Variants in RPAIN observed in about 807,000 individuals in gnomAD.
The protein encoded by RPAIN is RPA interacting protein, also known as RPA-interacting protein.
A neutral mutation model predicts 30.5 loss-of-function variants in RPAIN; 29 were observed. The ratio of observed to expected loss-of-function variants is 0.95; its 90% CI spans 0.71 to 1.30. The LOEUF (loss-of-function observed/expected upper bound fraction) is 1.30, where lower values mean the gene tolerates loss of function less well. Among genes scored for constraint, RPAIN ranks in the 50% most tolerant of loss-of-function variants. RPAIN has a pLI of 0.00. For synonymous variants in RPAIN, 101 were observed against 93.5 expected, an observed-to-expected ratio of 1.08 and a Z score of -0.46; for missense variants, 247 against 264.7, an observed-to-expected ratio of 0.93 and a Z score of 0.46.
chr17:5,423,622 A>G (rs945262963), intron 3 of RPAIN, among the ~76,000 whole-genome samples: 7 of 152,216 alleles, frequency 4.6e-5, no homozygotes, highest in African/African-American at 1.7e-4. Flanking sequence ...CACATTCTCT[A>G]TTAACTCCCC....
intron 2 of RPAIN, 131 bp from the exon 3 acceptor site, chr17:5,422,638 C>A: frequency 1.4e-6 from 1 of 712,634 alleles, no homozygotes; most frequent in Non-Finnish European, 2.5e-6. Flanking sequence ...TCAGCATATT[C>A]TGCAGGAGGA....
chr17:5,422,046 CTCTT>C (rs3066199), intron 2 of RPAIN: 45,124 of 151,996 alleles, frequency 0.3, 7,876 homozygotes, highest in East Asian at 0.81. Context: ...CGTCAGGAAT[CTCTT>C]TCTAAAAAGG....
intron 6 of RPAIN, chr17:5,432,280 A>T: frequency 2.4e-6 from 1 of 415,738 alleles, no homozygotes; most frequent in Non-Finnish European, 4.3e-6. Context: ...ATGTTTGATT[A>T]GTTCATCTAC....
chr17:5,426,018 A>G lies in RPAIN; in HGVS notation c.361A>G (p.Lys121Glu). 6.2e-7 allele frequency: 1 copy of G among 1,614,048 alleles called. No individual in the cohort carries two copies. Among genetic ancestry groups the G allele is most frequent in the Non-Finnish European group, 8.5e-7 (1 of 1,179,980 alleles). ...TGAGAAGAGCTTGCAGTTTGATGAA[A>G]AGTGTCTCAGCATCATGCTGGCTGA... Reference protein sequence around the residue: ...EYEKSLQFDEKCLSIMLAEWE... With the variant: ...EYEKSLQFDEECLSIMLAEWE... Residue 121 changes from lysine to glutamate, a missense_variant, in exon 4 of 7, where the codon AAG becomes GAG. Transcript: ENST00000381209.
chr17:5,430,989 T>A (rs1035855981), intron 6 of RPAIN: 1 of 172,608 alleles, frequency 5.8e-6, no homozygotes, highest in Non-Finnish European at 1.2e-5. Flanking sequence ...CAGCTCAGCA[T>A]ATAATTGTTA....
intron 1 of RPAIN, 90 bp downstream of exon 1, chr17:5,420,381 C>A: frequency 8.8e-7 from 1 of 1,133,240 alleles, no homozygotes; most frequent in South Asian, 1.4e-5. Context: ...CTCCGTGGAG[C>A]AGGTGCCGCA....
intron 6 of RPAIN, chr17:5,429,470 T>C (rs1462128602): frequency 2.0e-6 from 2 of 985,318 alleles, no homozygotes; most frequent in Non-Finnish European, 2.4e-6. Flanking sequence ...AGTGATGTAA[T>C]CTGGCCAAAA....
At chr17:5,430,571 G>A (rs941575643) in intron 6 of RPAIN, 1 of 152,258 alleles carries the variant, frequency 6.6e-6, no homozygotes, top group Non-Finnish European at 1.5e-5. Context: ...GCTGGCAGAG[G>A]GGAACTGGCC....
chr17:5,428,783 A>G (rs1271182220), intron 6 of RPAIN: 2 of 991,314 alleles, frequency 2.0e-6, no homozygotes, highest in African/African-American at 3.5e-5. Flanking sequence ...GTACATGTGT[A>G]TATATATCAC....
rs562681309 is a variant in RPAIN, at chr17:5,421,018, T to C, written c.82-278T>C. ...AAGAATTTGGAAGGAATATAAATGT[T>C]CTGTAATAGGACATTGGATGCTGAG... On this transcript the variant is annotated intron_variant, in intron 1 of 6. Coordinates refer to ENST00000381209, the MANE Select transcript of RPAIN (RefSeq NM_001033002.4). Among the ~76,000 whole-genome samples the C allele has an allele frequency of 7.7e-4, 118 of 152,306 alleles. 3 individuals are homozygous for C. The highest frequency in any genetic ancestry group is 2.7e-3 in the African/African-American group (112 of 41,584).
chr17:5,422,825 C>T lies in RPAIN; in HGVS notation c.309C>T (p.Asn103=), dbSNP rs12761. 2 of 1,606,408 alleles carry T rather than the reference C, an allele frequency of 1.2e-6. No homozygotes were observed. The highest frequency in any genetic ancestry group is 1.7e-6 in the Non-Finnish European group (2 of 1,173,738). The change falls in exon 3 of 7, where the codon AAC becomes AAT. Residue 103 remains asparagine, a synonymous_variant. Transcript: ENST00000381209. ...AGGAAATTCAACAGGAGCTGATCAA[C>T]CAAGGTAACCCCTAGTGGTAGTCCT... ...VLEEIQQELI[N]QEQSIISEYE...
intron 4 of RPAIN, 76 bp downstream of exon 4, chr17:5,426,158 A>T: frequency 6.4e-7 from 1 of 1,569,574 alleles, no homozygotes; most frequent in South Asian, 1.1e-5. Flanking sequence ...CTCCCCCCAG[A>T]TTTGTTGCCT....
intron 3 of RPAIN, among the ~76,000 whole-genome samples, chr17:5,423,991 A>T (rs1326558231): frequency 4.5e-5 from 6 of 134,550 alleles, no homozygotes; most frequent in Admixed American, 2.2e-4. Context: ...TTATTTATGT[A>T]TTTTTTTTTT....
Position 5,429,064 on chromosome 17 carries a change from ATGAAT to A in RPAIN, c.630+857_630+861del, listed in dbSNP as rs536334178. 4.9e-5 allele frequency: 48 copies of A among 984,952 alleles called. No individual in the cohort carries two copies. In the African/African-American group the frequency reaches 8.0e-4, roughly 16 times the overall value. The allele number at this position is 984,952 out of a possible 1,614,324, so 61.0% of individuals were successfully genotyped here. A position where few individuals can be genotyped will look rare whatever the true frequency, so the allele number is the denominator to read the frequency against. On this transcript the variant is annotated intron_variant, in intron 6 of 6. Coordinates refer to ENST00000381209, the MANE Select transcript of RPAIN (RefSeq NM_001033002.4). ...ATTCTACTCATTCATTAAAAAAAAA[ATGAAT>A]TGAGGACTCATTAACATTGAGAAAT...
At chr17:5,431,607 A>G (rs1296744264) in intron 6 of RPAIN, 1 of 456,382 alleles carries the variant, frequency 2.2e-6, no homozygotes, top group African/African-American at 2.0e-5. Context: ...TTTTCACTTA[A>G]GGGGGAATCA....
intron 6 of RPAIN, 183 bp downstream of exon 6, chr17:5,428,394 A>G: frequency 6.7e-7 from 1 of 1,485,874 alleles, no homozygotes; most frequent in Non-Finnish European, 8.9e-7. Flanking sequence ...AGTCAGAAAG[A>G]AGGGAAGAGG....
chr17:5,422,702 G>T, intron 2 of RPAIN, 67 bp from the exon 3 acceptor site: 1 of 1,444,972 alleles, frequency 6.9e-7, no homozygotes, highest in South Asian at 1.2e-5. Context: ...CTCCAAGTAT[G>T]AATCACTGTG....
At chr17:5,431,062 TAAGTAGGAGGTG>T (rs1915862042) in intron 6 of RPAIN, 3 of 236,564 alleles carry the variant, frequency 1.3e-5, no homozygotes, top group South Asian at 5.7e-5. Flanking sequence ...GCAGTGAAGC[TAAGTAGGAGGTG>T]AGGTTTGGAA....
chr17:5,423,093 A>G (rs1915032786), intron 3 of RPAIN: 1 of 329,720 alleles, frequency 3.0e-6, no homozygotes, highest in Non-Finnish European at 5.4e-6. Context: ...GTAGTATTAG[A>G]ACAGAAGGTG....
Sources: gnomAD v4.1 joint callset for allele counts (sites outside exome capture counted in the v4.1 genomes callset) on GRCh38, gnomAD v4.1.1 for gene constraint, MANE v1.5 for transcripts, NCBI Gene and HGNC (gene_info 2026-07-23, HGNC 2026-07-21) for gene names.